Variants in CSTF1 observed in about 807,000 individuals in gnomAD.
CSTF1 encodes cleavage stimulation factor subunit 1.
A neutral mutation model predicts 40.9 loss-of-function variants in CSTF1; 2 were observed. The observed-to-expected ratio is 0.05, with a 90% confidence interval of 0.02 to 0.15. The LOEUF is 0.15. Ranked by LOEUF, CSTF1 falls within the 10% of genes least tolerant of loss-of-function variation. The pLI is 1.00. For synonymous variants in CSTF1, 218 were observed against 207.2 expected (o/e 1.05, Z -0.45); for missense variants, 279 against 558.9 (o/e 0.50, Z 5.05).
At position 56,403,580 on chromosome 20, in the gene CSTF1, G is replaced by A. The variant is rs6092311; in HGVS notation, c.1149G>A (p.Ser383=). Reference sequence around the variant, plus strand: ...CGATCAGTCTTTGCTGCTGGGACTCGAGGACAGCCGAGCGGAGAAACCTGC... The same window carrying A: ...CGATCAGTCTTTGCTGCTGGGACTCAAGGACAGCCGAGCGGAGAAACCTGC... ...ERTISLCCWD[S]RTAERRNLLS... is the part of the protein sequence containing the mutation. The change falls in exon 6 of 6, where the codon TCG becomes TCA. Residue 383 remains serine (S), a synonymous_variant. Coordinates refer to ENST00000217109, the MANE Select transcript of CSTF1 (RefSeq NM_001324.3). 1.2e-3 allele frequency: 1,906 copies of A among 1,614,068 alleles called. 21 individuals are homozygous for A. The African/African-American group carries it at 0.021, about 18-fold the overall frequency.
At position 56,405,107 on chromosome 20, in the gene CSTF1, G is replaced by A. The variant is rs1262187736; in HGVS notation, c.*1380G>A. 6.6e-6 allele frequency: 1 copy of A among 152,088 alleles called. No homozygotes were observed. The highest frequency in any genetic ancestry group is 1.9e-4 in the East Asian group (1 of 5,190). 9.4% of individuals were successfully genotyped at this position (152,088 alleles called of 1,614,324 possible). A position where few individuals can be genotyped will look rare whatever the true frequency, so the allele number is the denominator to read the frequency against. ...CAAATACCTTATGATCTGCATAGGA[G>A]TACCTAGAAATATAATCTGGGATCA... On this transcript the variant is annotated 3_prime_UTR_variant, in exon 6 of 6. Coordinates refer to ENST00000217109, the MANE Select transcript of CSTF1 (RefSeq NM_001324.3).
chr20:56,394,924 G>C (rs1239808411), intron 1 of CSTF1, among the ~76,000 whole-genome samples: 1 of 151,856 alleles, frequency 6.6e-6, no homozygotes, highest in Non-Finnish European at 1.5e-5. Context: ...CCTTTCTAAC[G>C]CATTTAACTC....
chr20:56,398,846 C>T, intron 4 of CSTF1, 121 bp from the exon 5 acceptor site: 1 of 902,524 alleles, frequency 1.1e-6, no homozygotes, highest in Non-Finnish European at 1.6e-6. Flanking sequence ...TCTTATGATA[C>T]CTGTGTAATA....
At position 56,403,983 on chromosome 20, in the gene CSTF1, A is replaced by G. The variant is rs1978593268; in HGVS notation, c.*256A>G. 2.5e-6 allele frequency: 1 copy of G among 407,414 alleles called. No homozygotes were observed. Among genetic ancestry groups the G allele is most frequent in the Admixed American group, 3.8e-5 (1 of 25,994 alleles). The allele number at this position is 407,414 out of a possible 1,614,324, so 25.2% of individuals were successfully genotyped here. A position where few individuals can be genotyped will look rare whatever the true frequency, so the allele number is the denominator to read the frequency against. On this transcript the variant is annotated 3_prime_UTR_variant, in exon 6 of 6. Transcript: ENST00000217109. ...TGATTTTCATCGGTTTTGTAAGTAC[A>G]GGACTTGCCGTTTCTTTTGATCTCT...
chr20:56,394,535 C>T (rs1987460624), intron 1 of CSTF1, among the ~76,000 whole-genome samples: 1 of 152,174 alleles, frequency 6.6e-6, no homozygotes, highest in South Asian at 2.1e-4. Context: ...TGCAGTGAGC[C>T]GAGATCGCGC....
rs540588410 is a variant in CSTF1, at chr20:56,400,110, T to C, written c.1036+753T>C. Among the ~76,000 whole-genome samples the C allele has an allele frequency of 1.1e-4, 17 of 152,280 alleles. No homozygotes were observed. In the South Asian group the frequency reaches 2.5e-3, roughly 22 times the overall value. The stretch of plus-strand genomic sequence containing the variant: ...GATATGTTTGTATCATACACTAAAA[T>C]TGGCATGAGCATAACTCAAAAAAAA... On this transcript the variant is annotated intron_variant, in intron 5 of 5. Coordinates refer to ENST00000217109, the MANE Select transcript of CSTF1 (RefSeq NM_001324.3).
Position 56,405,017 on chromosome 20 carries a change from G to A in CSTF1, c.*1290G>A, listed in dbSNP as rs1315550061. 1.3e-5 allele frequency: 2 copies of A among 151,444 alleles called. No homozygotes were observed. The highest frequency in any genetic ancestry group is 4.9e-5 in the African/African-American group (2 of 41,068). The allele number at this position is 151,444 out of a possible 1,614,324, so 9.4% of individuals were successfully genotyped here. A position where few individuals can be genotyped will look rare whatever the true frequency, so the allele number is the denominator to read the frequency against. On this transcript the variant is annotated 3_prime_UTR_variant, in exon 6 of 6. Coordinates refer to ENST00000217109, the MANE Select transcript of CSTF1 (RefSeq NM_001324.3). Reference sequence around the variant, plus strand: ...TACTTCTCTGGATTCAGCACTAGCAGAGTCAGAGAACTCTGAACTCCCCTT... The same window carrying A: ...TACTTCTCTGGATTCAGCACTAGCAAAGTCAGAGAACTCTGAACTCCCCTT...
At chr20:56,402,895 A>G (rs1295988549) in intron 5 of CSTF1, among the ~76,000 whole-genome samples, 1 of 151,374 alleles carries the variant, frequency 6.6e-6, no homozygotes, top group South Asian at 2.1e-4. Flanking sequence ...AGATCACGCC[A>G]CTGCACTCCA....
chr20:56,400,503 A>C (rs541800932), intron 5 of CSTF1, among the ~76,000 whole-genome samples: 1 of 152,342 alleles, frequency 6.6e-6, no homozygotes, highest in South Asian at 2.1e-4. Flanking sequence ...AGTGTGCTGT[A>C]TCTGGACAGA....
Position 56,397,811 on chromosome 20 carries a change from A to AAAGGC in CSTF1, c.615_616insAAGGC (p.Ser206LysfsTer75), listed in dbSNP as rs1987560954. On this transcript the variant is annotated frameshift_variant, in exon 4 of 6. Coordinates refer to ENST00000217109, the MANE Select transcript of CSTF1 (RefSeq NM_001324.3). LOFTEE classifies it high-confidence loss of function. The surrounding 1 kb of genome is among the most constrained non-coding windows in gnomAD (Gnocchi z 4.4). ...TTAAATTATTTGATTATTCCAAACC[A>AAAGGC]TCAGCAAAAAGAGCCTTCAAATACA... The AAAGGC allele has an allele frequency of 6.2e-7, 1 of 1,613,818 alleles. No homozygotes were observed. Among genetic ancestry groups the AAAGGC allele is most frequent in the African/African-American group, 1.3e-5 (1 of 74,954 alleles).
Position 56,397,053 on chromosome 20 carries a change from A to T in CSTF1, c.170-154A>T. The T allele has an allele frequency of 1.3e-6, 1 of 779,760 alleles. No individual in the cohort carries two copies. Among genetic ancestry groups the T allele is most frequent in the Non-Finnish European group, 2.0e-6 (1 of 499,390 alleles). The allele number at this position is 779,760 out of a possible 1,614,324, so 48.3% of individuals were successfully genotyped here. Reference sequence around the variant, plus strand: ...GAACTTTGAATAGCATGGGCAAAATACACAGTTTTGTAAAGTGTTAGGTGT... The same window carrying T: ...GAACTTTGAATAGCATGGGCAAAATTCACAGTTTTGTAAAGTGTTAGGTGT... On this transcript the variant is annotated intron_variant, in intron 2 of 5. Coordinates refer to ENST00000217109, the MANE Select transcript of CSTF1 (RefSeq NM_001324.3). This position sits in a 1 kb window ranked among gnomAD's most constrained non-coding sequence, Gnocchi z 4.4.
intron 5 of CSTF1, among the ~76,000 whole-genome samples, chr20:56,400,861 A>G (rs1214167196): frequency 1.3e-5 from 2 of 152,136 alleles, no homozygotes; most frequent in African/African-American, 4.8e-5. Context: ...CAATATGGTG[A>G]AACCCCGTCT....
intron 2 of CSTF1, among the ~76,000 whole-genome samples, chr20:56,396,529 A>G (rs1277986224): frequency 1.3e-5 from 2 of 152,036 alleles, no homozygotes; most frequent in African/African-American, 4.8e-5. Flanking sequence ...GTTACACAGC[A>G]TTGCTCTATT....
chr20:56,397,757 C>G lies in CSTF1; in HGVS notation c.561C>G (p.Ile187Met), dbSNP rs763758306. 1 of 1,614,114 alleles carries G rather than the reference C, an allele frequency of 6.2e-7. No individual in the cohort carries two copies. The highest frequency in any genetic ancestry group is 1.1e-5 in the South Asian group (1 of 91,088). Reference protein sequence around the residue: ...TCLAFHPTEQILASGSRDYTL... With the variant: ...TCLAFHPTEQMLASGSRDYTL... ...TTGCTTTCCACCCAACAGAACAGAT[C>G]CTGGCTTCTGGTTCAAGGGATTATA... Residue 187 changes from isoleucine (I) to methionine (M), a missense_variant, in exon 4 of 6, where the codon ATC becomes ATG. Coordinates refer to ENST00000217109, the MANE Select transcript of CSTF1 (RefSeq NM_001324.3). This position sits in a 1 kb window ranked among gnomAD's most constrained non-coding sequence, Gnocchi z 4.4.
rs756755504 is a variant in CSTF1, at chr20:56,395,504, A to G, written c.-32-17A>G. The G allele has an allele frequency of 5.1e-6, 8 of 1,571,612 alleles. No individual in the cohort carries two copies. In the Admixed American group the frequency reaches 1.4e-4, roughly 27 times the overall value. On this transcript the variant is annotated splice_polypyrimidine_tract_variant and intron_variant, in intron 1 of 5. Transcript: ENST00000217109. The stretch of plus-strand genomic sequence containing the variant: ...CTAGAGCCTGTACCCTTCACCGTCC[A>G]TTTTCCGTTTTTGCAGCTGGCAGGG...
At position 56,404,513 on chromosome 20, in the gene CSTF1, C is replaced by G. The variant is rs893242944; in HGVS notation, c.*786C>G. On this transcript the variant is annotated 3_prime_UTR_variant, in exon 6 of 6. Transcript: ENST00000217109. ...TCACGAATGATTAGTATCGATTGAC[C>G]TCTTTCTTAGGTGGTTTTAAGTCTT... is the stretch of plus-strand genomic sequence containing the variant. 7 of 152,128 alleles carry G rather than the reference C, an allele frequency of 4.6e-5. No individual in the cohort carries two copies. The highest frequency in any genetic ancestry group is 1.7e-4 in the African/African-American group (7 of 41,422). 9.4% of individuals were successfully genotyped at this position (152,128 alleles called of 1,614,324 possible).
intron 1 of CSTF1, among the ~76,000 whole-genome samples, chr20:56,393,796 C>A (rs1987411047): frequency 1.3e-5 from 2 of 152,094 alleles, no homozygotes; most frequent in South Asian, 4.2e-4. Flanking sequence ...AGTTAATCTT[C>A]CCTGGTTTAT....
chr20:56,396,330 G>T (rs6064391), intron 2 of CSTF1, among the ~76,000 whole-genome samples: 68,215 of 152,118 alleles, frequency 0.45, 16,558 homozygotes, highest in East Asian at 0.85. Flanking sequence ...TGACTTGGCA[G>T]TGCCAATTGT....
rs1978567446 is a variant in CSTF1 at position 56,403,590 on chromosome 20, G to A, written c.1159G>A (p.Glu387Lys). The change falls in exon 6 of 6, where the codon GAG (glutamate) becomes AAG (lysine). Residue 387 changes from glutamate to lysine, a missense_variant. Around this residue, in one of 4 missense-constraint regions of CSTF1, gnomAD observed 162 missense variants for 337.1 expected, o/e 0.48. Transcript: ENST00000217109. Reference protein sequence around the residue: ...SLCCWDSRTAERRNLLSLGHN... With the variant: ...SLCCWDSRTAKRRNLLSLGHN... The stretch of plus-strand genomic sequence containing the variant: ...TTGCTGCTGGGACTCGAGGACAGCC[G>A]AGCGGAGAAACCTGCTGTCGTTGGG... 8.1e-6 allele frequency: 13 copies of A among 1,613,978 alleles called. No individual in the cohort carries two copies. Among genetic ancestry groups the A allele is most frequent in the Admixed American group, 1.7e-5 (1 of 59,986 alleles).
Sources: gnomAD v4.1 joint callset for allele counts (sites outside exome capture counted in the v4.1 genomes callset) on GRCh38, gnomAD v4.1.1 for gene constraint, gnomAD v4.1.1 regional missense constraint, Gnocchi (gnomAD v3.1) non-coding constraint, MANE v1.5 for transcripts, NCBI Gene and HGNC (gene_info 2026-07-23, HGNC 2026-07-21) for gene names.